TXNDC16: variants seen among roughly 807,000 people sequenced by gnomAD.
TXNDC16 encodes the protein thioredoxin domain-containing protein 16.
TXNDC16 carries 74 observed loss-of-function variants against 85.6 expected under a neutral mutation model. The observed-to-expected ratio is 0.86, with a 90% CI of 0.72 to 1.05. The LOEUF is 1.05. Ranked by LOEUF, TXNDC16 falls within the 50% of genes least tolerant of loss-of-function variation. The pLI is 0.00. For missense variants in TXNDC16, 959 were observed against 947.0 expected (o/e 1.01, Z -0.17); for synonymous variants, 335 against 326.5 (o/e 1.03, Z -0.28).
In TXNDC16 at chr14:52,543,428, T is replaced by C; in HGVS notation, c.130A>G (p.Lys44Glu). ...TGACAAAAATAAGCTAAAGAGGCTT[T>C]TCCTGGTTGCAATGTACTAAAATAT... ...QKYFSTLQPGKASLAYFCQAD... is the reference protein window; with the variant it reads ...QKYFSTLQPGEASLAYFCQAD... Residue 44 changes from lysine to glutamate, a missense_variant, in exon 3 of 21, where the codon AAA becomes GAA. By Grantham distance (56) the Lys-to-Glu change is moderately conservative. Coordinates refer to ENST00000281741, the MANE Select transcript of TXNDC16 (RefSeq NM_020784.3). 1 of 1,611,730 alleles carries C rather than the reference T, an allele frequency of 6.2e-7. No individual in the cohort carries two copies. The highest frequency in any genetic ancestry group is 8.5e-7 in the Non-Finnish European group (1 of 1,179,252).
chr14:52,485,050 T>C (rs1481577781), intron 12 of TXNDC16, among the ~76,000 whole-genome samples: 1 of 152,086 alleles, frequency 6.6e-6, no homozygotes, highest in Non-Finnish European at 1.5e-5. Flanking sequence ...CTCAGGTAGG[T>C]CTTCAGGAGG....
Position 52,482,967 on chromosome 14 carries a change from T to TA in TXNDC16, c.1109-3dup. 1 of 1,596,330 alleles carries TA rather than the reference T, an allele frequency of 6.3e-7. No individual in the cohort carries two copies. The highest frequency in any genetic ancestry group is 2.2e-5 in the East Asian group (1 of 44,706). On this transcript the variant is annotated splice_region_variant and splice_polypyrimidine_tract_variant and intron_variant, in intron 12 of 20. Transcript: ENST00000281741. The stretch of plus-strand genomic sequence containing the variant: ...CTGCCACTTCATCATCCTGAACATC[T>TA]AAAATGTTGGAAAAGAAATTAATTT...
chr14:52,501,892 A>C (rs2036666746), intron 9 of TXNDC16, among the ~76,000 whole-genome samples: 1 of 152,248 alleles, frequency 6.6e-6, no homozygotes, highest in South Asian at 2.1e-4. Flanking sequence ...AAAAGTGACC[A>C]AACCAGCTGA....
chr14:52,506,740 TA>T (rs1268670268), intron 9 of TXNDC16, among the ~76,000 whole-genome samples: 2 of 141,720 alleles, frequency 1.4e-5, no homozygotes, highest in Non-Finnish European at 3.1e-5. Flanking sequence ...GTATTTTTAG[TA>T]GAGACGGGGT....
intron 6 of TXNDC16, among the ~76,000 whole-genome samples, chr14:52,527,718 G>T (rs2037370128): frequency 6.6e-6 from 1 of 152,118 alleles, no homozygotes; most frequent in Non-Finnish European, 1.5e-5. Flanking sequence ...TCTGGCTGCT[G>T]TTATTGCCGT....
chr14:52,437,629 C>G (rs982448298), intron 20 of TXNDC16, among the ~76,000 whole-genome samples: 2 of 151,896 alleles, frequency 1.3e-5, no homozygotes, highest in Non-Finnish European at 2.9e-5. Flanking sequence ...AAAAGATAAC[C>G]CACAGAATGG....
chr14:52,518,154 GATCCA>G (rs2037128300), intron 7 of TXNDC16, among the ~76,000 whole-genome samples: 1 of 152,044 alleles, frequency 6.6e-6, no homozygotes, highest in Non-Finnish European at 1.5e-5. Flanking sequence ...TTACCTTACT[GATCCA>G]TAAATGTTGA....
chr14:52,529,923 TTA>T (rs1247349780), intron 6 of TXNDC16, among the ~76,000 whole-genome samples: 5 of 107,168 alleles, frequency 4.7e-5, no homozygotes, highest in African/African-American at 7.9e-5. Context: ...ATAATATACA[TTA>T]TATATATTAT....
intron 17 of TXNDC16, among the ~76,000 whole-genome samples, chr14:52,456,580 A>C (rs948860377): frequency 1.3e-5 from 2 of 152,210 alleles, no homozygotes; most frequent in Admixed American, 6.5e-5. Context: ...AGAATGTGAT[A>C]TGTATTAATA....
chr14:52,508,744 T>G (rs908635205), intron 9 of TXNDC16, among the ~76,000 whole-genome samples: 2 of 152,126 alleles, frequency 1.3e-5, no homozygotes, highest in Admixed American at 6.5e-5. Flanking sequence ...CCTTAAAAAA[T>G]GATGAGTTCA....
chr14:52,458,485 A>G (rs1236838769), intron 16 of TXNDC16, among the ~76,000 whole-genome samples: 1 of 152,200 alleles, frequency 6.6e-6, no homozygotes. Flanking sequence ...TGAATTTGGG[A>G]GAAGGAGATT....
chr14:52,432,648 AT>A, intron 20 of TXNDC16, 61 bp from the exon 21 acceptor site: 1 of 1,372,938 alleles, frequency 7.3e-7, no homozygotes, highest in Non-Finnish European at 9.7e-7. Context: ...ACATCAACAT[AT>A]TAGAAAATGT....
intron 6 of TXNDC16, among the ~76,000 whole-genome samples, chr14:52,533,783 G>A (rs2037637152): frequency 6.6e-6 from 1 of 152,128 alleles, no homozygotes; most frequent in Non-Finnish European, 1.5e-5. Flanking sequence ...ACTTCTTTAT[G>A]GACCCATGGA....
intron 6 of TXNDC16, among the ~76,000 whole-genome samples, chr14:52,524,098 A>G (rs574390833): frequency 4.1e-4 from 62 of 152,376 alleles, no homozygotes; most frequent in Non-Finnish European, 7.5e-4. Context: ...GATACAGATA[A>G]AAGAATGAGC....
chr14:52,479,254 G>A (rs760721790), intron 14 of TXNDC16, among the ~76,000 whole-genome samples: 1 of 152,004 alleles, frequency 6.6e-6, no homozygotes, highest in Non-Finnish European at 1.5e-5. Context: ...GAACTGGAAC[G>A]AGACAAGGAT....
intron 17 of TXNDC16, 72 bp from the exon 18 acceptor site, chr14:52,455,534 G>A: frequency 6.3e-7 from 1 of 1,578,742 alleles, no homozygotes; most frequent in Non-Finnish European, 8.6e-7. Context: ...TCTAGGCTAG[G>A]AGGTCACAGT....
rs747568121 is a variant in TXNDC16, at chr14:52,440,602, C to A, written c.1965G>T (p.Gln655His). 1 of 1,607,260 alleles carries A rather than the reference C, an allele frequency of 6.2e-7. No individual in the cohort carries two copies. The highest frequency in any genetic ancestry group is 8.5e-7 in the Non-Finnish European group (1 of 1,177,840). Reference sequence around the variant, plus strand: ...ATGGAGTAAATGAATCCAAGTATTTCTGCTTTACCAGTGTCAATATTGCTT... The same window carrying A: ...ATGGAGTAAATGAATCCAAGTATTTATGCTTTACCAGTGTCAATATTGCTT... ...YKKAILTLVK[Q>H]KYLDSFTPCW... The change falls in exon 19 of 21, where the codon CAG becomes CAT. Residue 655 changes from glutamine (Q) to histidine (H), a missense_variant. Gln to His is a conservative substitution (Grantham distance 24). Coordinates refer to ENST00000281741, the MANE Select transcript of TXNDC16 (RefSeq NM_020784.3).
intron 18 of TXNDC16, among the ~76,000 whole-genome samples, chr14:52,446,293 T>C (rs865997713): frequency 2.5e-4 from 38 of 152,192 alleles, no homozygotes; most frequent in African/African-American, 8.2e-4. Context: ...AGACTCTGCA[T>C]TGAACTCAGT....
At chr14:52,448,558 A>G (rs1453270386) in intron 18 of TXNDC16, among the ~76,000 whole-genome samples, 1 of 152,186 alleles carries the variant, frequency 6.6e-6, no homozygotes, top group Non-Finnish European at 1.5e-5. Flanking sequence ...TCAATCAGGA[A>G]GAAAAGGACA....
Sources: gnomAD v4.1 joint callset for allele counts (sites outside exome capture counted in the v4.1 genomes callset) on GRCh38, gnomAD v4.1.1 for gene constraint, MANE v1.5 for transcripts, NCBI Gene and HGNC (gene_info 2026-07-23, HGNC 2026-07-21) for gene names.